The following SUGCT variants were observed in gnomAD, a reference collection of about 807,000 sequenced individuals.
SUGCT encodes the protein succinyl-CoA:glutarate-CoA transferase, also known as succinyl-CoA:glutarate CoA-transferase.
SUGCT carries 41 observed loss-of-function variants against 55.0 expected under a neutral mutation model. The ratio of observed to expected loss-of-function variants is 0.74; its 90% CI spans 0.58 to 0.97. The LOEUF (loss-of-function observed/expected upper bound fraction) is 0.97. Ranked by LOEUF, SUGCT falls within the 50% of genes least tolerant of loss-of-function variation. SUGCT has a pLI of 0.00. For missense variants in SUGCT, 568 were observed against 547.8 expected, an observed-to-expected ratio of 1.04 and a Z score of -0.37; for synonymous variants, 187 against 200.4, an observed-to-expected ratio of 0.93 and a Z score of 0.56.
At chr7:40,987,295 C>G in the SUGCT span, among the ~76,000 whole-genome samples, 1 of 152,098 alleles carries the variant, frequency 6.6e-6, no homozygotes, top group African/African-American at 2.4e-5. Flanking sequence ...GCAATCCAGG[C>G]TGGTGGGGTG....
At chr7:40,818,837 C>G (rs1338521228) in intron 13 of SUGCT, among the ~76,000 whole-genome samples, 1 of 151,870 alleles carries the variant, frequency 6.6e-6, no homozygotes, top group Non-Finnish European at 1.5e-5. Flanking sequence ...CATACATGTG[C>G]CATGTTGGTG....
chr7:41,014,267 G>A, the SUGCT span, among the ~76,000 whole-genome samples: 1 of 152,286 alleles, frequency 6.6e-6, no homozygotes, highest in East Asian at 1.9e-4. Context: ...ATGTGTGGCT[G>A]TGTGTGTCTG....
intron 9 of SUGCT, among the ~76,000 whole-genome samples, chr7:40,444,182 C>T (rs1286406273): frequency 6.6e-6 from 1 of 152,126 alleles, no homozygotes; most frequent in Non-Finnish European, 1.5e-5. Flanking sequence ...GTTCTTTTGG[C>T]TTAGGATTAT....
intron 12 of SUGCT, among the ~76,000 whole-genome samples, chr7:40,565,490 C>T (rs1430357326): frequency 6.6e-6 from 1 of 152,152 alleles, no homozygotes; most frequent in Admixed American, 6.5e-5. Context: ...TTTGATTCAA[C>T]AAATCTTTAT....
chr7:40,247,975 A>G (rs1466564298), intron 7 of SUGCT, among the ~76,000 whole-genome samples: 1 of 151,416 alleles, frequency 6.6e-6, no homozygotes, highest in African/African-American at 2.4e-5. Context: ...ATTCTTCTAG[A>G]AGGTTTATAG....
the SUGCT span, among the ~76,000 whole-genome samples, chr7:40,916,005 CTGAG>C: frequency 3.8e-5 from 4 of 106,402 alleles, no homozygotes; most frequent in East Asian, 7.4e-4. Flanking sequence ...TTTCTGGAGA[CTGAG>C]TGAGTATATT....
intron 9 of SUGCT, among the ~76,000 whole-genome samples, chr7:40,323,947 A>G (rs1795877709): frequency 6.6e-6 from 1 of 151,796 alleles, no homozygotes; most frequent in Non-Finnish European, 1.5e-5. Flanking sequence ...TGAGATGACT[A>G]CCTCACATCT....
the SUGCT span, among the ~76,000 whole-genome samples, chr7:40,909,106 C>A: frequency 6.6e-6 from 1 of 152,126 alleles, no homozygotes; most frequent in African/African-American, 2.4e-5. Context: ...ATACTGCAAG[C>A]ACAATCATAA....
intron 13 of SUGCT, among the ~76,000 whole-genome samples, chr7:40,854,406 TCTTTCTTTCTTTC>T (rs11361636): frequency 0.085 from 9,011 of 105,440 alleles, 523 homozygotes; most frequent in East Asian, 0.33. Context: ...TTTCTTTCTT[TCTTTCTTTCTTTC>T]CTTTCTTTCT....
chr7:40,186,055 T>G (rs1297841142), intron 3 of SUGCT, among the ~76,000 whole-genome samples: 1 of 148,630 alleles, frequency 6.7e-6, no homozygotes, highest in Admixed American at 6.6e-5. Context: ...TACATAAAAT[T>G]TGGTTGTTGT....
At chr7:40,832,535 G>A (rs1792730595) in intron 13 of SUGCT, among the ~76,000 whole-genome samples, 1 of 149,886 alleles carries the variant, frequency 6.7e-6, no homozygotes, top group Admixed American at 6.7e-5. Flanking sequence ...CTGTTTGGTT[G>A]GTTTTTTGTT....
chr7:40,302,728 T>C (rs1224534163), intron 8 of SUGCT, among the ~76,000 whole-genome samples: 1 of 152,174 alleles, frequency 6.6e-6, no homozygotes. Flanking sequence ...TTTTGACGAA[T>C]TCATTATTAA....
chr7:40,823,253 A>T (rs1792119850), intron 13 of SUGCT, among the ~76,000 whole-genome samples: 1 of 152,048 alleles, frequency 6.6e-6, no homozygotes, highest in South Asian at 2.1e-4. Flanking sequence ...TAAAAATAGA[A>T]CCTTTGTTAA....
intron 7 of SUGCT, among the ~76,000 whole-genome samples, chr7:40,252,345 C>A (rs969862442): frequency 6.6e-6 from 1 of 152,130 alleles, no homozygotes; most frequent in African/African-American, 2.4e-5. Context: ...TCTCTAACTC[C>A]TGGGCTCAAG....
Position 40,653,407 on chromosome 7 carries a change from A to G in SUGCT, c.1090-96027A>G, listed in dbSNP as rs910686046. 4.6e-5 allele frequency among the ~76,000 whole-genome samples: 7 copies of G among 152,242 alleles called. No homozygotes were observed. The South Asian group carries it at 1.5e-3, about 32-fold the overall frequency. On this transcript the variant is annotated intron_variant, in intron 12 of 13. Coordinates refer to ENST00000335693, the MANE Select transcript of SUGCT (RefSeq NM_001193313.2). ...TCTTGAGCTTATTATTTTTTTTCCA[A>G]AATAAAAACTTCTTGTCCTTTGAAA...
At chr7:40,492,276 A>AT (rs1014276402) in intron 11 of SUGCT, among the ~76,000 whole-genome samples, 36 of 151,336 alleles carry the variant, frequency 2.4e-4, no homozygotes, top group South Asian at 1.5e-3. Flanking sequence ...CTAGAAAACA[A>AT]TTTTTTTTTC....
chr7:41,014,071 T>C, the SUGCT span, among the ~76,000 whole-genome samples: 1 of 152,212 alleles, frequency 6.6e-6, no homozygotes, highest in African/African-American at 2.4e-5. Flanking sequence ...AATAAGATTC[T>C]TAAAATAGTG....
chr7:40,385,617 A>T lies in SUGCT; in HGVS notation c.817-63670A>T, dbSNP rs374426208. Among the ~76,000 whole-genome samples, 31 of 152,330 alleles carry T rather than the reference A, an allele frequency of 2.0e-4. 3 individuals carry two copies. Among genetic ancestry groups the T allele is most frequent in the Admixed American group, 1.2e-3 (19 of 15,292 alleles). ...GCTGCTTCTCCCATATGCAAAAAGG[A>T]CTATGTTTCTCCTTTTTTCTTTTTA... On this transcript the variant is annotated intron_variant, in intron 9 of 13. Coordinates refer to ENST00000335693, the MANE Select transcript of SUGCT (RefSeq NM_001193313.2).
chr7:40,222,645 C>T (rs1321273596), intron 6 of SUGCT, among the ~76,000 whole-genome samples: 1 of 152,146 alleles, frequency 6.6e-6, no homozygotes, highest in Non-Finnish European at 1.5e-5. Flanking sequence ...AGTTCAAGAC[C>T]AGCCTGGCTA....
Sources: allele counts gnomAD v4.1 joint callset (sites outside exome capture counted in the v4.1 genomes callset), GRCh38; gene constraint gnomAD v4.1.1; transcripts MANE v1.5; gene names NCBI Gene and HGNC (gene_info 2026-07-23, HGNC 2026-07-21).